Variants in RPH3AL observed in about 807,000 individuals in gnomAD.
The protein encoded by RPH3AL is rab effector Noc2.
Under a neutral mutation model 43.1 loss-of-function variants are expected in RPH3AL, and 38 were observed. The ratio of observed to expected loss-of-function variants is 0.88; its 90% CI spans 0.68 to 1.15. The LOEUF (loss-of-function observed/expected upper bound fraction) is 1.15. Ranked by LOEUF, RPH3AL falls within the 50% of genes most tolerant of loss-of-function variation. RPH3AL has a pLI of 0.00. For synonymous variants in RPH3AL, 189 were observed against 176.3 expected (o/e 1.07, Z -0.57); for missense variants, 462 against 423.2 (o/e 1.09, Z -0.81).
At chr17:272,412 G>A (rs1268705526) in intron 6 of RPH3AL, among the ~76,000 whole-genome samples, 20 of 151,800 alleles carry the variant, frequency 1.3e-4, no homozygotes, top group East Asian at 3.9e-4. Flanking sequence ...ACACCATGGA[G>A]TACTATGCAG....
At chr17:321,242 C>G in intron 4 of RPH3AL, 30 bp downstream of exon 4, 1 of 1,594,512 alleles carries the variant, frequency 6.3e-7, no homozygotes, top group Non-Finnish European at 8.5e-7. Flanking sequence ...TTGCTGTCCT[C>G]CCACTGAGCT....
intron 6 of RPH3AL, among the ~76,000 whole-genome samples, chr17:260,879 T>C (rs1555546035): frequency 6.6e-6 from 1 of 152,210 alleles, no homozygotes; most frequent in African/African-American, 2.4e-5. Flanking sequence ...GCTCTCCTTT[T>C]GGACACGTTG....
At chr17:248,907 C>T (rs531593580) in intron 6 of RPH3AL, among the ~76,000 whole-genome samples, 30 of 152,264 alleles carry the variant, frequency 2.0e-4, no homozygotes, top group African/African-American at 7.0e-4. Context: ...CCTTCCTGTC[C>T]CTTCCGCTCG....
chr17:222,269 G>T (rs2041010357), intron 7 of RPH3AL, among the ~76,000 whole-genome samples: 1 of 152,264 alleles, frequency 6.6e-6, no homozygotes, highest in Non-Finnish European at 1.5e-5. Context: ...GGGGGCACGT[G>T]CCCAAGTTGT....
In RPH3AL at chr17:296,950, G is replaced by A. The variant is rs147812731; in HGVS notation, c.352-15096C>T. ...ATCCAAGGGGACAAGGCTGGGTCTC[G>A]TGGGGCATTGTGTGAGGACAAACCG... On this transcript the variant is annotated intron_variant, in intron 5 of 9. Coordinates refer to ENST00000331302, the MANE Select transcript of RPH3AL (RefSeq NM_006987.4). Among the ~76,000 whole-genome samples the A allele has an allele frequency of 2.6e-5, 4 of 152,292 alleles. No homozygotes were observed. In the East Asian group the frequency reaches 7.7e-4, roughly 29 times the overall value.
At chr17:249,510 T>G (rs2041838455) in intron 6 of RPH3AL, among the ~76,000 whole-genome samples, 1 of 151,956 alleles carries the variant, frequency 6.6e-6, no homozygotes, top group African/African-American at 2.4e-5. Flanking sequence ...ACCCCCCTCC[T>G]GCCACCTGGC....
intron 8 of RPH3AL, among the ~76,000 whole-genome samples, chr17:216,642 T>C (rs1011935281): frequency 3.3e-5 from 5 of 152,140 alleles, no homozygotes; most frequent in African/African-American, 1.2e-4. Context: ...AAACCGAGGC[T>C]GGCAGGTAAG....
chr17:315,534 T>TCCATTGACCTGTAGTCCCTGTGC (rs2043986212), intron 5 of RPH3AL, among the ~76,000 whole-genome samples: 19 of 23,320 alleles, frequency 8.1e-4, no homozygotes, highest in African/African-American at 1.2e-3. Flanking sequence ...GTCCCTGTGC[T>TCCATTGACCTGTAGTCCCTGTGC]CCCACCTCCA....
intron 5 of RPH3AL, among the ~76,000 whole-genome samples, chr17:315,647 C>T (rs71355225): frequency 4.1e-5 from 1 of 24,218 alleles, no homozygotes; most frequent in Non-Finnish European, 9.7e-5. Context: ...GACCTGTAGT[C>T]CCTGTGCTCC....
intron 7 of RPH3AL, among the ~76,000 whole-genome samples, chr17:237,977 C>T (rs1038371502): frequency 7.7e-6 from 1 of 130,160 alleles, no homozygotes; most frequent in African/African-American, 3.1e-5. Context: ...GGAATCACCC[C>T]GTCTCTACAG....
chr17:244,330 A>C (rs569481949), intron 7 of RPH3AL, among the ~76,000 whole-genome samples: 3 of 152,142 alleles, frequency 2.0e-5, no homozygotes, highest in Admixed American at 2.0e-4. Flanking sequence ...TGAGAAAGAA[A>C]ATAGGGTGGC....
At chr17:331,088 A>AAGCG (rs2044746602) in intron 2 of RPH3AL, 1 of 110,872 alleles carries the variant, frequency 9.0e-6, no homozygotes, top group African/African-American at 2.8e-5. Flanking sequence ...CGAGGGAGGC[A>AAGCG]AGGGAGGCAG....
At chr17:341,688 A>C (rs771164427) in intron 1 of RPH3AL, among the ~76,000 whole-genome samples, 5 of 152,168 alleles carry the variant, frequency 3.3e-5, no homozygotes, top group Non-Finnish European at 5.9e-5. Flanking sequence ...CATACACACC[A>C]AAAGAAAAAA....
rs1330512731 is a variant in RPH3AL at position 316,177 on chromosome 17, C to T, written c.351+3243G>A. Among the ~76,000 whole-genome samples, 9 of 148,186 alleles carry T rather than the reference C, an allele frequency of 6.1e-5. No individual in the cohort carries two copies. The East Asian group carries it at 1.9e-3, about 31-fold the overall frequency. ...CCATTGACCTGTAGTCCCTGTGCTC[C>T]ACCTCCACTGACCTGTAGTTCCTGT... On this transcript the variant is annotated intron_variant, in intron 5 of 9. Transcript: ENST00000331302.
At chr17:332,704 C>T (rs758998022) in intron 2 of RPH3AL, 33 of 249,650 alleles carry the variant, frequency 1.3e-4, no homozygotes, top group Middle Eastern at 1.5e-3. Flanking sequence ...AGATTCCCCA[C>T]GGGGTAGTCG....
At chr17:216,798 TGAGG>T (rs1271527176) in intron 8 of RPH3AL, among the ~76,000 whole-genome samples, 1 of 152,184 alleles carries the variant, frequency 6.6e-6, no homozygotes, top group Non-Finnish European at 1.5e-5. Context: ...AGGAGGATTC[TGAGG>T]GCACATCAGG....
chr17:213,584 G>A lies in RPH3AL; in HGVS notation c.*268C>T. 1 of 559,996 alleles carries A rather than the reference G, an allele frequency of 1.8e-6. No homozygotes were observed. The highest frequency in any genetic ancestry group is 3.1e-5 in the East Asian group (1 of 32,408). 34.7% of individuals were successfully genotyped at this position (559,996 alleles called of 1,614,324 possible). On this transcript the variant is annotated 3_prime_UTR_variant, in exon 10 of 10. Coordinates refer to ENST00000331302, the MANE Select transcript of RPH3AL (RefSeq NM_006987.4). ...CGCGCAAACTTAAAATCATCACCAG[G>A]TAGATTGGGGGTGTGGGAGGGGAGG...
rs1045362357 is a variant in RPH3AL at position 333,087 on chromosome 17, C to G, written c.-37+672G>C. On this transcript the variant is annotated intron_variant, in intron 2 of 9. Coordinates refer to ENST00000331302, the MANE Select transcript of RPH3AL (RefSeq NM_006987.4). This position sits in a 1 kb window ranked among gnomAD's most constrained non-coding sequence, Gnocchi z 4.5. ...GCAATTCTCTCTCTAAAGTCGAGAG[C>G]TCACCACCCCGGGCGTTCGTCACTG... 3.0e-5 allele frequency: 39 copies of G among 1,287,544 alleles called. No homozygotes were observed. The African/African-American group carries it at 5.3e-4, about 18-fold the overall frequency. 79.8% of individuals were successfully genotyped at this position (1,287,544 alleles called of 1,614,324 possible).
intron 7 of RPH3AL, among the ~76,000 whole-genome samples, chr17:235,344 C>CGG: frequency 7.9e-6 from 1 of 126,844 alleles, no homozygotes; most frequent in Admixed American, 7.7e-5. Context: ...ACTAACAAGA[C>CGG]GGATCCAGGG....
Sources: gnomAD v4.1 joint callset for allele counts (sites outside exome capture counted in the v4.1 genomes callset) on GRCh38, gnomAD v4.1.1 for gene constraint, Gnocchi (gnomAD v3.1) non-coding constraint, MANE v1.5 for transcripts, NCBI Gene and HGNC (gene_info 2026-07-23, HGNC 2026-07-21) for gene names.